The following FCSK variants were observed in gnomAD, a reference collection of about 807,000 sequenced individuals.
The protein encoded by FCSK is L-fucose kinase.
FCSK carries 123 observed loss-of-function variants against 122.5 expected under a neutral mutation model. That is an observed-to-expected ratio of 1.00 (90% CI 0.87 to 1.17). FCSK has a LOEUF of 1.17. Among genes scored for constraint, FCSK ranks in the 50% most tolerant of loss-of-function variants. The pLI, the probability that FCSK is intolerant of heterozygous loss-of-function variation, is 0.00. For synonymous variants in FCSK, 620 were observed against 625.5 expected (o/e 0.99, Z 0.13); for missense variants, 1,366 against 1,450.4 (o/e 0.94, Z 0.95).
At chr16:70,462,654 A>AT (rs1428060999) in intron 1 of FCSK, among the ~76,000 whole-genome samples, 6 of 149,606 alleles carry the variant, frequency 4.0e-5, no homozygotes, top group African/African-American at 1.2e-4. Flanking sequence ...TTATTTATTT[A>AT]TTTTTTTTGA....
At chr16:70,464,294 C>T (rs1597610144) in intron 3 of FCSK, among the ~76,000 whole-genome samples, 2 of 152,166 alleles carry the variant, frequency 1.3e-5, no homozygotes, top group African/African-American at 2.4e-5. Context: ...GCTGCCATGG[C>T]GCTGACTCCC....
At chr16:70,458,300 C>T (rs1485974734) in intron 1 of FCSK, among the ~76,000 whole-genome samples, 3 of 151,584 alleles carry the variant, frequency 2.0e-5, no homozygotes, top group Non-Finnish European at 4.4e-5. Context: ...GCTGGGATTA[C>T]AGGCACCCGC....
At chr16:70,471,452 C>T in intron 13 of FCSK, 100 bp downstream of exon 13, 1 of 1,238,802 alleles carries the variant, frequency 8.1e-7, no homozygotes, top group Non-Finnish European at 1.1e-6. Context: ...TGAGCACTGG[C>T]CCGTGGGACA....
In FCSK at chr16:70,469,244, C is replaced by T. The variant is rs200443840; in HGVS notation, c.876C>T (p.Gly292=). 32 of 1,613,786 alleles carry T rather than the reference C, an allele frequency of 2.0e-5. No homozygotes were observed. The highest frequency in any genetic ancestry group is 9.9e-5 in the South Asian group (9 of 91,086). ...LVGRPPELGQ[G]DADVAGYLQS... ...GGAGGCCCCCAGAGTTGGGGCAAGGCGATGCAGATGTAGCGGGTTATCTGC... is the reference window on the plus strand; with the variant it reads ...GGAGGCCCCCAGAGTTGGGGCAAGGTGATGCAGATGTAGCGGGTTATCTGC... Residue 292 remains glycine (G), a synonymous_variant, in exon 10 of 24, where the codon GGC becomes GGT. Transcript: ENST00000288078.
In FCSK at chr16:70,463,185, G is replaced by A; in HGVS notation, c.-6G>A. Reference sequence around the variant, plus strand: ...CTGTCTCAGGAAGCCCCTCCGCTTGGCCAGAATGGAGCAGCCGAAGGGAGT... The same window carrying A: ...CTGTCTCAGGAAGCCCCTCCGCTTGACCAGAATGGAGCAGCCGAAGGGAGT... On this transcript the variant is annotated 5_prime_UTR_variant, in exon 2 of 24. Transcript: ENST00000288078. The A allele has an allele frequency of 6.2e-7, 1 of 1,613,618 alleles. No individual in the cohort carries two copies. Among genetic ancestry groups the A allele is most frequent in the South Asian group, 1.1e-5 (1 of 91,064 alleles).
intron 1 of FCSK, among the ~76,000 whole-genome samples, chr16:70,462,005 C>T (rs896032798): frequency 5.3e-5 from 8 of 152,188 alleles, no homozygotes; most frequent in South Asian, 2.1e-4. Context: ...GAAACAGATG[C>T]GGCCCATCCA....
Position 70,479,603 on chromosome 16 carries a change from C to A in FCSK, c.3178C>A (p.Leu1060Met), listed in dbSNP as rs747031435. Reference protein sequence around the residue: ...TEGLGNYSIHLVEVDTQGLSL... With the variant: ...TEGLGNYSIHMVEVDTQGLSL... Reference sequence around the variant, plus strand: ...GGGCCTTGGGAATTACAGCATCCACCTGGTTGAAGTGGACACTCAGGGCCT... The same window carrying A: ...GGGCCTTGGGAATTACAGCATCCACATGGTTGAAGTGGACACTCAGGGCCT... Residue 1060 changes from leucine (L) to methionine (M), a missense_variant, in exon 24 of 24, where the codon CTG becomes ATG. Transcript: ENST00000288078. 6.2e-7 allele frequency: 1 copy of A among 1,614,090 alleles called. No individual in the cohort carries two copies. Among genetic ancestry groups the A allele is most frequent in the Non-Finnish European group, 8.5e-7 (1 of 1,179,960 alleles).
rs747308593 is a variant in FCSK at position 70,479,256 on chromosome 16, CCT to C, written c.3007_3008del (p.Leu1003AspfsTer59). 46 of 1,613,796 alleles carry C rather than the reference CCT, an allele frequency of 2.9e-5. 1 individual carries two copies. Among genetic ancestry groups the C allele is most frequent in the Admixed American group, 1.3e-4 (8 of 60,004 alleles). ...AGCTCATGGCTCCAGGCTGTGAGCC[CCT>C]GACTGTGCGGCGTATGATGGATGTC... The part of the protein sequence containing the change: ...KKLMAPGCEP[L>X]TVRRMMDVLA... On this transcript the variant is annotated frameshift_variant, in exon 23 of 24. Coordinates refer to ENST00000288078, the MANE Select transcript of FCSK (RefSeq NM_145059.3). LOFTEE classifies it high-confidence loss of function.
At chr16:70,466,541 T>A (rs1017149938) in intron 5 of FCSK, 2 of 471,972 alleles carry the variant, frequency 4.2e-6, no homozygotes, top group Non-Finnish European at 7.6e-6. Flanking sequence ...AAAAAATTTT[T>A]AAAAAATTAC....
intron 11 of FCSK, 68 bp from the exon 12 acceptor site, chr16:70,470,903 C>T: frequency 1.4e-6 from 2 of 1,406,618 alleles, no homozygotes; most frequent in South Asian, 1.3e-5. Flanking sequence ...GGATGCTTGG[C>T]TTGGGAGGAG....
rs1302015583 is a variant in FCSK at position 70,479,284 on chromosome 16, C to T, written c.3034C>T (p.Leu1012=). ...PLTVRRMMDV[L]APHVHGQSLA... is the part of the protein sequence containing the mutation. ...GACTGTGCGGCGTATGATGGATGTC[C>T]TGGCCCCCCACGTGCATGGCCAGAG... Residue 1012 remains leucine (L), a synonymous_variant, in exon 23 of 24, where the codon CTG becomes TTG. Transcript: ENST00000288078. The T allele has an allele frequency of 1.2e-6, 2 of 1,613,914 alleles. No individual in the cohort carries two copies. Among genetic ancestry groups the T allele is most frequent in the African/African-American group, 1.3e-5 (1 of 74,938 alleles).
chr16:70,479,545 C>T, intron 23 of FCSK, 34 bp from the exon 24 acceptor site: 1 of 1,593,798 alleles, frequency 6.3e-7, no homozygotes. Flanking sequence ...TGAGATTTGT[C>T]CAGAGCCTTC....
rs762646193 is a variant in FCSK, at chr16:70,478,639, G to T, written c.2918G>T (p.Gly973Val). ...CGGCAAACTGAGGAGTGTGCTGAAG[G>T]CTTCCGCCAAGGTGAGGGGCTTCCT... is the stretch of plus-strand genomic sequence containing the variant. The part of the protein sequence containing the change: ...LVRQTEECAE[G>V]FRQGSLPLLG... The change falls in exon 22 of 24, where the codon GGC (glycine) becomes GTC (valine). Residue 973 changes from glycine (G) to valine (V), a missense_variant. By Grantham distance (109) the Gly-to-Val change is moderately radical. Transcript: ENST00000288078. The T allele has an allele frequency of 6.2e-7, 1 of 1,613,510 alleles. No individual in the cohort carries two copies. Among genetic ancestry groups the T allele is most frequent in the Non-Finnish European group, 8.5e-7 (1 of 1,179,998 alleles).
At chr16:70,466,781 A>T in intron 5 of FCSK, 101 bp from the exon 6 acceptor site, 2 of 1,006,536 alleles carry the variant, frequency 2.0e-6, no homozygotes, top group Non-Finnish European at 3.0e-6. Context: ...CAGGTCTTGG[A>T]GGCCCTTGTT....
chr16:70,473,091 G>A lies in FCSK; in HGVS notation c.1515G>A (p.Leu505=), dbSNP rs1267231583. 3 of 1,587,996 alleles carry A rather than the reference G, an allele frequency of 1.9e-6. No homozygotes were observed. Among genetic ancestry groups the A allele is most frequent in the African/African-American group, 2.7e-5 (2 of 74,352 alleles). Residue 505 remains leucine (L), a synonymous_variant, in exon 15 of 24, where the codon CTG becomes CTA. Coordinates refer to ENST00000288078, the MANE Select transcript of FCSK (RefSeq NM_145059.3). The surrounding 1 kb of genome is among the most constrained non-coding windows in gnomAD (Gnocchi z 4.9). ...CGAGGGAGCTGGGACCCCAGGACCT[G>A]CTGTGGATGCTGGACCACCAGGAGG... The part of the protein sequence containing the change: ...HPSRELGPQD[L]LWMLDHQEDG...
In FCSK at chr16:70,478,863, C is replaced by T. The variant is rs1382427833; in HGVS notation, c.2929+213C>T. The T allele has an allele frequency of 7.1e-6, 5 of 700,500 alleles. No homozygotes were observed. In the African/African-American group the frequency reaches 8.7e-5, roughly 12 times the overall value. 43.4% of individuals were successfully genotyped at this position (700,500 alleles called of 1,614,324 possible). On this transcript the variant is annotated intron_variant, in intron 22 of 23. Coordinates refer to ENST00000288078, the MANE Select transcript of FCSK (RefSeq NM_145059.3). The stretch of plus-strand genomic sequence containing the variant: ...TTCATCATGGGAAAGGCCCTCCAGC[C>T]CTAACAGGAAGCAGAGAGGGGAAGG...
At chr16:70,455,219 A>G (rs2048052737) in intron 1 of FCSK, among the ~76,000 whole-genome samples, 1 of 152,160 alleles carries the variant, frequency 6.6e-6, no homozygotes, top group Non-Finnish European at 1.5e-5. Context: ...AGTTCTTAGT[A>G]CTTTATTCTA....
Position 70,470,960 on chromosome 16 carries a change from T to C in FCSK, c.1069-11T>C. ...CGACCCCCCTCATGCTCCTCCTACC[T>C]GGCTGCACAGGAGCAGCAGCTTCTG... On this transcript the variant is annotated splice_polypyrimidine_tract_variant and intron_variant, in intron 11 of 23. Transcript: ENST00000288078. 3.2e-6 allele frequency: 5 copies of C among 1,569,364 alleles called. No individual in the cohort carries two copies. The highest frequency in any genetic ancestry group is 3.5e-6 in the Non-Finnish European group (4 of 1,158,972).
chr16:70,468,682 T>C (rs1486503823), intron 8 of FCSK, among the ~76,000 whole-genome samples, 167 bp from the exon 9 acceptor site: 26 of 150,072 alleles, frequency 1.7e-4, no homozygotes, highest in Admixed American at 1.5e-3. Flanking sequence ...TGGTGGGAGC[T>C]ACCCCAAGTA....
Sources: allele counts gnomAD v4.1 joint callset (sites outside exome capture counted in the v4.1 genomes callset), GRCh38; gene constraint gnomAD v4.1.1; non-coding constraint Gnocchi (gnomAD v3.1); transcripts MANE v1.5; gene names NCBI Gene and HGNC (gene_info 2026-07-23, HGNC 2026-07-21).